CERT1: variants seen among roughly 807,000 people sequenced by gnomAD.
The protein encoded by CERT1 is ceramide transporter 1, also known as ceramide transfer protein.
Under a neutral mutation model 87.9 loss-of-function variants are expected in CERT1, and 31 were observed. The observed-to-expected ratio is 0.35, with a 90% confidence interval of 0.27 to 0.48. The LOEUF (loss-of-function observed/expected upper bound fraction) is 0.48. Among genes scored for constraint, CERT1 ranks in the 20% least tolerant of loss-of-function variants. The probability of loss-of-function intolerance (pLI) is 0.99; values close to 1 mark genes in which losing one functional copy is unlikely to be tolerated. For missense variants in CERT1, 487 were observed against 758.0 expected, an observed-to-expected ratio of 0.64 and a Z score of 4.20; for synonymous variants, 289 against 250.9, an observed-to-expected ratio of 1.15 and a Z score of -1.44.
At chr5:75,388,638 A>ATATC (rs1179161185) in intron 12 of CERT1, among the ~76,000 whole-genome samples, 78 of 107,558 alleles carry the variant, frequency 7.3e-4, no homozygotes, top group East Asian at 3.9e-3. Context: ...ATATATATAT[A>ATATC]TATCTCACAC....
At chr5:75,394,390 C>G (rs1762164464) in intron 11 of CERT1, among the ~76,000 whole-genome samples, 1 of 152,056 alleles carries the variant, frequency 6.6e-6, no homozygotes. Context: ...AGTGGTGGCC[C>G]ATGCCTGTAG....
downstream of CERT1, chr5:75,374,643 G>A (rs1761220013): frequency 1.5e-6 from 1 of 650,640 alleles, no homozygotes; most frequent in Non-Finnish European, 2.9e-6. Context: ...TGTCTTTGAT[G>A]TCTATGTGCT....
At chr5:75,434,250 G>A (rs181108420) in intron 3 of CERT1, among the ~76,000 whole-genome samples, 8 of 145,878 alleles carry the variant, frequency 5.5e-5, no homozygotes, top group Non-Finnish European at 3.0e-5. Context: ...GTTATCCACT[G>A]AGATGATCAT....
chr5:75,439,862 CA>C (rs767169043), intron 3 of CERT1, among the ~76,000 whole-genome samples: 6 of 152,018 alleles, frequency 3.9e-5, no homozygotes, highest in Non-Finnish European at 5.9e-5. Flanking sequence ...TTTAGCATGA[CA>C]ATTTCATGCT....
At chr5:75,452,523 A>G (rs1764806957) in intron 3 of CERT1, among the ~76,000 whole-genome samples, 1 of 152,196 alleles carries the variant, frequency 6.6e-6, no homozygotes, top group Admixed American at 6.5e-5. Context: ...TTTTTTTCAT[A>G]GTAAGCAGAA....
chr5:75,479,343 C>G (rs977751471), intron 2 of CERT1, among the ~76,000 whole-genome samples: 2 of 151,944 alleles, frequency 1.3e-5, no homozygotes, highest in African/African-American at 2.4e-5. Context: ...AGGTTTGTTA[C>G]ATAGGTGAAC....
At chr5:75,452,628 TTA>T (rs1392451435) in intron 3 of CERT1, among the ~76,000 whole-genome samples, 10 of 152,304 alleles carry the variant, frequency 6.6e-5, no homozygotes, top group African/African-American at 2.2e-4. Flanking sequence ...AAGTGGTTTA[TTA>T]TATATCTTTG....
At chr5:75,498,120 G>A (rs1767162384) in intron 2 of CERT1, among the ~76,000 whole-genome samples, 1 of 152,100 alleles carries the variant, frequency 6.6e-6, no homozygotes, top group African/African-American at 2.4e-5. Context: ...AGAGATCTAT[G>A]GAACTTTGAA....
At chr5:75,482,367 T>C (rs1258118299) in intron 2 of CERT1, among the ~76,000 whole-genome samples, 1 of 151,850 alleles carries the variant, frequency 6.6e-6, no homozygotes, top group Non-Finnish European at 1.5e-5. Context: ...GTGGCTTGGG[T>C]GCTAGTTCAG....
At chr5:75,374,689 A>C (rs765967269), downstream of CERT1, 65 of 612,934 alleles carry the variant, frequency 1.1e-4, no homozygotes, top group Middle Eastern at 9.6e-4. Flanking sequence ...TTACTGTGTG[A>C]GTTGTGCAAC....
chr5:75,425,458 T>C lies in CERT1; in HGVS notation c.498A>G (p.Thr166=). Residue 166 remains threonine, a synonymous_variant, in exon 5 of 17, where the codon ACA becomes ACG. Coordinates refer to ENST00000643780, the MANE Select transcript of CERT1 (RefSeq NM_001379029.1). Reference sequence around the variant, plus strand: ...CTTGTCTACATAAGATGTCTCTAAATGTTTCCATTTCAGCCAACTTCTCAC... The same window carrying C: ...CTTGTCTACATAAGATGTCTCTAAACGTTTCCATTTCAGCCAACTTCTCAC... ...SLREKLAEME[T]FRDILCRQVD... is the part of the protein sequence containing the mutation. 2 of 1,614,098 alleles carry C rather than the reference T, an allele frequency of 1.2e-6. No individual in the cohort carries two copies. The highest frequency in any genetic ancestry group is 1.7e-6 in the Non-Finnish European group (2 of 1,179,954).
At position 75,399,387 on chromosome 5, in the gene CERT1, G is replaced by C. The variant is rs1487601215; in HGVS notation, c.1111C>G (p.Pro371Ala). Residue 371 changes from proline (P) to alanine (A), a missense_variant and splice_region_variant, in exon 11 of 17, where the codon CCC becomes GCC. By Grantham distance (27) the Pro-to-Ala change is conservative. This residue lies in a region of CERT1 where 91 missense variants were observed against 86.7 expected (regional missense o/e 1.05). Transcript: ENST00000643780. Reference protein sequence around the residue: ...SVGTHRFVQKPYSRSSSMSSI... With the variant: ...SVGTHRFVQKAYSRSSSMSSI... ...GACATGGAGGAAGAGCGACTATAGGGCTACCAGAGACAGACAAAGAAAAAA... is the reference window on the plus strand; with the variant it reads ...GACATGGAGGAAGAGCGACTATAGGCCTACCAGAGACAGACAAAGAAAAAA... 6.2e-7 allele frequency: 1 copy of C among 1,611,610 alleles called. No individual in the cohort carries two copies.
chr5:75,462,683 G>A (rs571647743), intron 2 of CERT1, among the ~76,000 whole-genome samples: 14 of 152,046 alleles, frequency 9.2e-5, no homozygotes, highest in Non-Finnish European at 1.9e-4. Flanking sequence ...AGTTAAAAAC[G>A]TGGGAAACAA....
intron 8 of CERT1, among the ~76,000 whole-genome samples, chr5:75,406,482 T>A (rs1054284663): frequency 6.6e-6 from 1 of 152,320 alleles, no homozygotes; most frequent in Admixed American, 6.5e-5. Flanking sequence ...AGGATCCTTA[T>A]AAGCCTTGTT....
At chr5:75,459,274 T>G in intron 2 of CERT1, 93 bp from the exon 3 acceptor site, 1 of 701,834 alleles carries the variant, frequency 1.4e-6, no homozygotes. Context: ...ACTCATTCTG[T>G]GCTGGTGGGA....
At chr5:75,457,146 T>A (rs1765018784) in intron 3 of CERT1, among the ~76,000 whole-genome samples, 3 of 152,208 alleles carry the variant, frequency 2.0e-5, no homozygotes, top group Non-Finnish European at 2.9e-5. Flanking sequence ...TATATGCACA[T>A]TTAGCTTCTC....
At chr5:75,411,290 T>C (rs1376671436) in intron 7 of CERT1, among the ~76,000 whole-genome samples, 187 bp from the exon 8 acceptor site, 1 of 151,424 alleles carries the variant, frequency 6.6e-6, no homozygotes, top group Non-Finnish European at 1.5e-5. Context: ...ATAAATTACT[T>C]ACAACCTACT....
At chr5:75,506,294 T>C (rs1403081307) in intron 1 of CERT1, among the ~76,000 whole-genome samples, 178 bp from the exon 2 acceptor site, 1 of 152,256 alleles carries the variant, frequency 6.6e-6, no homozygotes, top group Non-Finnish European at 1.5e-5. Context: ...TTTTCTAGAT[T>C]GCATAATGAT....
intron 2 of CERT1, among the ~76,000 whole-genome samples, chr5:75,467,297 C>A (rs550674489): frequency 6.6e-6 from 1 of 151,994 alleles, no homozygotes; most frequent in African/African-American, 2.4e-5. Flanking sequence ...TGGTTTCCAG[C>A]GGTTAGGGAT....
Sources: gnomAD v4.1 joint callset for allele counts (sites outside exome capture counted in the v4.1 genomes callset) on GRCh38, gnomAD v4.1.1 for gene constraint, gnomAD v4.1.1 regional missense constraint, MANE v1.5 for transcripts, NCBI Gene and HGNC (gene_info 2026-07-23, HGNC 2026-07-21) for gene names.